The following EDIL3 variants were observed in gnomAD, a reference collection of about 807,000 sequenced individuals.
EDIL3 encodes the protein EGF like and discoidin domains 3.
A neutral mutation model predicts 67.4 loss-of-function variants in EDIL3; 37 were observed. The ratio of observed to expected loss-of-function variants is 0.55; its 90% CI spans 0.42 to 0.72. The LOEUF (loss-of-function observed/expected upper bound fraction) is 0.72. Among genes scored for constraint, EDIL3 ranks in the 30% least tolerant of loss-of-function variants. The pLI is 0.00. For missense variants in EDIL3, 527 were observed against 586.3 expected (o/e 0.90, Z 1.04); for synonymous variants, 195 against 196.3 (o/e 0.99, Z 0.05).
chr5:83,967,793 G>A (rs1744724137), intron 9 of EDIL3, among the ~76,000 whole-genome samples: 1 of 152,126 alleles, frequency 6.6e-6, no homozygotes, highest in African/African-American at 2.4e-5. Context: ...TTGAAGGGGT[G>A]AGGACAATGA....
intron 6 of EDIL3, among the ~76,000 whole-genome samples, chr5:84,067,085 G>T (rs1580309386): frequency 2.0e-5 from 3 of 152,212 alleles, no homozygotes; most frequent in Admixed American, 2.0e-4. Flanking sequence ...ATTTTAAAAA[G>T]TAAAGACAAA....
chr5:84,133,561 A>G (rs1417839021), intron 5 of EDIL3, among the ~76,000 whole-genome samples: 1 of 151,666 alleles, frequency 6.6e-6, no homozygotes, highest in African/African-American at 2.4e-5. Context: ...ACTTGAACCC[A>G]GGAGGCAGTG....
intron 5 of EDIL3, among the ~76,000 whole-genome samples, chr5:84,120,286 C>T (rs1747753185): frequency 6.6e-6 from 1 of 151,906 alleles, no homozygotes; most frequent in African/African-American, 2.4e-5. Context: ...AAGTGGGTGG[C>T]AATATCCACT....
chr5:84,277,067 A>G (rs1239930005), intron 1 of EDIL3, among the ~76,000 whole-genome samples: 1 of 152,202 alleles, frequency 6.6e-6, no homozygotes, highest in Non-Finnish European at 1.5e-5. Flanking sequence ...AATGCTACTT[A>G]TTACATAAAG....
At chr5:84,004,687 A>G (rs1167311549) in intron 9 of EDIL3, among the ~76,000 whole-genome samples, 1 of 152,142 alleles carries the variant, frequency 6.6e-6, no homozygotes, top group Non-Finnish European at 1.5e-5. Context: ...CAGCTAAGGT[A>G]GTGTTAAGAT....
At chr5:84,023,214 A>G (rs1206169702) in intron 9 of EDIL3, among the ~76,000 whole-genome samples, 2 of 152,032 alleles carry the variant, frequency 1.3e-5, no homozygotes, top group South Asian at 4.1e-4. Flanking sequence ...ATCGTGTGGT[A>G]TATCTTGAAT....
chr5:84,163,041 C>T (rs1748642351), intron 4 of EDIL3, among the ~76,000 whole-genome samples: 1 of 151,984 alleles, frequency 6.6e-6, no homozygotes, highest in Admixed American at 6.6e-5. Context: ...TTAGGGAAAA[C>T]AGACAGTGGG....
chr5:83,962,490 T>C (rs1057199062), intron 10 of EDIL3, among the ~76,000 whole-genome samples: 3 of 151,400 alleles, frequency 2.0e-5, no homozygotes, highest in East Asian at 3.9e-4. Context: ...CTGAAACCAA[T>C]AGATACTATG....
At chr5:84,112,426 A>C (rs1424762705) in intron 5 of EDIL3, among the ~76,000 whole-genome samples, 3 of 152,224 alleles carry the variant, frequency 2.0e-5, no homozygotes, top group African/African-American at 7.2e-5. Flanking sequence ...AAGGGTCCAG[A>C]GAGCAAACAT....
intron 6 of EDIL3, among the ~76,000 whole-genome samples, chr5:84,070,031 G>A (rs967788883): frequency 6.6e-6 from 1 of 151,994 alleles, no homozygotes; most frequent in African/African-American, 2.4e-5. Flanking sequence ...GATACCAAGG[G>A]GAATTTGGCC....
chr5:84,162,709 G>T (rs114235674), intron 4 of EDIL3, among the ~76,000 whole-genome samples: 1,549 of 152,108 alleles, frequency 0.01, 27 homozygotes, highest in African/African-American at 0.036. Context: ...AGAGCTTCTT[G>T]GTTTTGAGAA....
intron 2 of EDIL3, among the ~76,000 whole-genome samples, chr5:84,252,749 A>G (rs1745048846): frequency 6.6e-6 from 1 of 152,002 alleles, no homozygotes; most frequent in Non-Finnish European, 1.5e-5. Context: ...GACTTTCCTG[A>G]GGATATGATT....
intron 1 of EDIL3, among the ~76,000 whole-genome samples, chr5:84,285,459 T>C (rs535772902): frequency 6.6e-6 from 1 of 152,344 alleles, no homozygotes; most frequent in South Asian, 2.1e-4. Flanking sequence ...GAACCATGTC[T>C]TAGAGGGTTT....
At chr5:83,990,749 G>A (rs1012882947) in intron 9 of EDIL3, among the ~76,000 whole-genome samples, 8 of 151,382 alleles carry the variant, frequency 5.3e-5, no homozygotes, top group African/African-American at 1.2e-4. Flanking sequence ...GCATGGTAGC[G>A]GGCACCTGTA....
At chr5:83,953,360 G>C (rs149933542) in intron 10 of EDIL3, among the ~76,000 whole-genome samples, 1 of 151,638 alleles carries the variant, frequency 6.6e-6, no homozygotes, top group Non-Finnish European at 1.5e-5. Context: ...GCTAAATTTT[G>C]GGTCTTTTTT....
At chr5:84,339,248 A>G (rs77559321) in intron 1 of EDIL3, among the ~76,000 whole-genome samples, 5,248 of 152,274 alleles carry the variant, frequency 0.034, 136 homozygotes, top group Non-Finnish European at 0.054. Context: ...TAACAGGGAT[A>G]ATGTAATTAT....
chr5:84,180,250 C>T, intron 4 of EDIL3, 143 bp downstream of exon 4: 2 of 874,022 alleles, frequency 2.3e-6, no homozygotes, highest in Non-Finnish European at 3.3e-6. Context: ...ATGGTGTATT[C>T]CATGGGAGAG....
At chr5:84,138,416 C>G (rs1003794802) in intron 4 of EDIL3, among the ~76,000 whole-genome samples, 1 of 152,166 alleles carries the variant, frequency 6.6e-6, no homozygotes, top group Admixed American at 6.5e-5. Flanking sequence ...ATCTGGAAAA[C>G]TACTGAGGCT....
At chr5:83,955,761 C>A (rs1193443669) in intron 10 of EDIL3, among the ~76,000 whole-genome samples, 2 of 151,748 alleles carry the variant, frequency 1.3e-5, no homozygotes, top group African/African-American at 4.8e-5. Flanking sequence ...TTTCTACCAC[C>A]TAATTGTTGT....
Sources: allele counts gnomAD v4.1 joint callset (sites outside exome capture counted in the v4.1 genomes callset), GRCh38; gene constraint gnomAD v4.1.1; transcripts MANE v1.5; gene names NCBI Gene and HGNC (gene_info 2026-07-23, HGNC 2026-07-21).